Variants in PKHD1L1 observed in about 807,000 individuals in gnomAD.
PKHD1L1 encodes the protein PKHD1 like 1.
Under a neutral mutation model 462.9 loss-of-function variants are expected in PKHD1L1, and 434 were observed. The observed-to-expected ratio is 0.94, with a 90% CI of 0.87 to 1.02. The LOEUF (loss-of-function observed/expected upper bound fraction) is 1.02. Among genes scored for constraint, PKHD1L1 ranks in the 50% least tolerant of loss-of-function variants. The pLI is 0.00. For missense variants in PKHD1L1, 5,202 were observed against 5,096.1 expected, an observed-to-expected ratio of 1.02 and a Z score of -0.63; for synonymous variants, 1,781 against 1,750.0, an observed-to-expected ratio of 1.02 and a Z score of -0.44.
Position 109,465,039 on chromosome 8 carries a change from TG to T in PKHD1L1, c.8208del (p.Thr2737LeufsTer8). ...KGLVLPFSEG[L>X]TVSSVHFMNF... ...CTGGTTCTCCCATTTAGTGAAGGCT[TG>T]ACTGTCTCTTCTGTGCACTTTATGA... On this transcript the variant is annotated frameshift_variant, in exon 49 of 78. Transcript: ENST00000378402. LOFTEE classifies it high-confidence loss of function. 1.9e-6 allele frequency: 3 copies of T among 1,613,862 alleles called. No homozygotes were observed. Among genetic ancestry groups the T allele is most frequent in the Middle Eastern group, 3.3e-4 (2 of 6,060 alleles).
chr8:109,462,013 G>C (rs1586564289), intron 48 of PKHD1L1, 105 bp downstream of exon 48: 6 of 1,321,822 alleles, frequency 4.5e-6, no homozygotes, highest in Middle Eastern at 1.9e-4. Flanking sequence ...TAATCTGGTA[G>C]GGGAGACAGA....
intron 65 of PKHD1L1, among the ~76,000 whole-genome samples, chr8:109,497,552 G>A (rs1024886525): frequency 4.0e-5 from 6 of 149,090 alleles, no homozygotes; most frequent in African/African-American, 1.2e-4. Context: ...TCAGCCTCCC[G>A]AGTAGCTAGG....
chr8:109,470,133 T>C, intron 50 of PKHD1L1: 1 of 593,424 alleles, frequency 1.7e-6, no homozygotes, highest in Non-Finnish European at 3.0e-6. Context: ...AAAGTATATA[T>C]TCCTTACAAG....
chr8:109,449,935 A>G (rs894881823), intron 40 of PKHD1L1, among the ~76,000 whole-genome samples: 1 of 152,214 alleles, frequency 6.6e-6, no homozygotes, highest in Non-Finnish European at 1.5e-5. Flanking sequence ...AGTGAGATGA[A>G]TCACAGTAGT....
At chr8:109,441,958 TA>T (rs2130742490) in intron 34 of PKHD1L1, 48 bp from the exon 35 acceptor site, 1 of 1,446,772 alleles carries the variant, frequency 6.9e-7, no homozygotes, top group Non-Finnish European at 9.2e-7. Context: ...AGATAATTAT[TA>T]AGAAATTCTC....
At chr8:109,455,418 G>A (rs1442423160) in intron 45 of PKHD1L1, among the ~76,000 whole-genome samples, 2 of 152,016 alleles carry the variant, frequency 1.3e-5, no homozygotes, top group Admixed American at 6.6e-5. Flanking sequence ...AGCCTTTCTG[G>A]GTCTTTTCTA....
At position 109,537,107 on chromosome 8, in the gene PKHD1L1, G is replaced by T. The variant is rs1021879728; in HGVS notation, c.*7017G>T. Reference sequence around the variant, plus strand: ...TGCTCAAAGATGTCACTCTATGTGCGGCAAAGCTTTGTTTTACTTGATCAA... The same window carrying T: ...TGCTCAAAGATGTCACTCTATGTGCTGCAAAGCTTTGTTTTACTTGATCAA... On this transcript the variant is annotated 3_prime_UTR_variant, in exon 78 of 78. Transcript: ENST00000378402. Among the ~76,000 whole-genome samples the T allele has an allele frequency of 6.6e-6, 1 of 152,118 alleles. No homozygotes were observed. The highest frequency in any genetic ancestry group is 2.4e-5 in the African/African-American group (1 of 41,404).
rs200956400 is a variant in PKHD1L1 at position 109,413,483 on chromosome 8, C to G, written c.2298C>G (p.Asp766Glu). ...NYIGLKFQYQ[D>E]NSKITRSTDT... The stretch of plus-strand genomic sequence containing the variant: ...TTGGTCTAAAATTTCAGTACCAAGA[C>G]AATAGCAAGATTACTAGAAGCACTG... Residue 766 changes from aspartate to glutamate, a missense_variant, in exon 21 of 78, where the codon GAC becomes GAG. Transcript: ENST00000378402. 6.3e-7 allele frequency: 1 copy of G among 1,579,746 alleles called. No homozygotes were observed. Among genetic ancestry groups the G allele is most frequent in the East Asian group, 2.3e-5 (1 of 44,072 alleles).
At chr8:109,442,313 G>T in intron 35 of PKHD1L1, 118 bp downstream of exon 35, 1 of 993,976 alleles carries the variant, frequency 1.0e-6, no homozygotes, top group Non-Finnish European at 1.4e-6. Context: ...AAATGCGTAA[G>T]GTATTTGGCA....
At chr8:109,505,890 G>A (rs1783155) in intron 68 of PKHD1L1, among the ~76,000 whole-genome samples, 59,422 of 151,994 alleles carry the variant, frequency 0.39, 11,818 homozygotes, top group South Asian at 0.57. Flanking sequence ...GGGCAACACA[G>A]TGAGACCCTG....
intron 20 of PKHD1L1, among the ~76,000 whole-genome samples, chr8:109,413,024 C>G (rs375067356): frequency 6.6e-6 from 1 of 152,032 alleles, no homozygotes. Context: ...TCTAAATGTT[C>G]AATGATATTT....
At chr8:109,452,318 A>G in intron 42 of PKHD1L1, 38 bp downstream of exon 42, 1 of 1,464,476 alleles carries the variant, frequency 6.8e-7, no homozygotes, top group Non-Finnish European at 9.1e-7. Flanking sequence ...ACAGCAATAG[A>G]AAACCAGCAT....
chr8:109,496,961 A>G lies in PKHD1L1; in HGVS notation c.10370A>G (p.His3457Arg), dbSNP rs1819120358. 1.2e-6 allele frequency: 2 copies of G among 1,613,628 alleles called. No homozygotes were observed. The highest frequency in any genetic ancestry group is 1.7e-4 in the Middle Eastern group (1 of 6,056). Residue 3457 changes from histidine (H) to arginine (R), a missense_variant, in exon 64 of 78, where the codon CAT (histidine) becomes CGT (arginine). His to Arg is a conservative substitution (Grantham distance 29). Coordinates refer to ENST00000378402, the MANE Select transcript of PKHD1L1 (RefSeq NM_177531.6). Reference sequence around the variant, plus strand: ...GAAAAGTGGTTTGACAATGAAGCCCATGGAGGTTTATATGGGATCTATATG... The same window carrying G: ...GAAAAGTGGTTTGACAATGAAGCCCGTGGAGGTTTATATGGGATCTATATG... ...PVEKWFDNEA[H>R]GGLYGIYMNQ...
chr8:109,388,400 A>C, intron 6 of PKHD1L1, 97 bp from the exon 7 acceptor site: 1 of 871,016 alleles, frequency 1.1e-6, no homozygotes, highest in Non-Finnish European at 1.8e-6. Flanking sequence ...ATTGAGAAAA[A>C]AAATTTAAGG....
chr8:109,486,634 C>A lies in PKHD1L1; in HGVS notation c.9707-14C>A, dbSNP rs532500342. On this transcript the variant is annotated splice_polypyrimidine_tract_variant and intron_variant, in intron 58 of 77. Transcript: ENST00000378402. ...CTCAGCATTGGCAATAATCTAGCTG[C>A]CTTTATACTGCAGCTGAAAAATACC... 2 of 1,608,668 alleles carry A rather than the reference C, an allele frequency of 1.2e-6. No individual in the cohort carries two copies. Among genetic ancestry groups the A allele is most frequent in the East Asian group, 2.2e-5 (1 of 44,760 alleles).
chr8:109,372,104 G>A lies in PKHD1L1; in HGVS notation c.163+7468G>A, dbSNP rs1363527144. 8.7e-4 allele frequency among the ~76,000 whole-genome samples: 133 copies of A among 152,146 alleles called. 2 individuals carry two copies. Among genetic ancestry groups the A allele is most frequent in the South Asian group, 6.2e-4 (3 of 4,818 alleles). On this transcript the variant is annotated intron_variant, in intron 2 of 77. Transcript: ENST00000378402. ...ATAAATTACCTTGGGCAGTATGGCC[G>A]TTTTCACAATATTGATTCTTCCTAC... is the stretch of plus-strand genomic sequence containing the variant.
intron 22 of PKHD1L1, 68 bp downstream of exon 22, chr8:109,419,328 T>C: frequency 1.2e-5 from 15 of 1,287,266 alleles, no homozygotes; most frequent in Non-Finnish European, 1.6e-5. Context: ...AAATTATTTT[T>C]ATATTCTGCA....
At chr8:109,406,232 G>A (rs12679728) in intron 16 of PKHD1L1, 103 bp from the exon 17 acceptor site, 1 of 1,160,768 alleles carries the variant, frequency 8.6e-7, no homozygotes, top group Non-Finnish European at 1.2e-6. Flanking sequence ...CAGAGTATAG[G>A]TGCTTTAAAA....
chr8:109,443,936 T>A, intron 37 of PKHD1L1, 34 bp downstream of exon 37: 1 of 1,493,024 alleles, frequency 6.7e-7, no homozygotes, highest in Non-Finnish European at 9.2e-7. Flanking sequence ...GTACTTCTAT[T>A]ATATGTTCCC....
Sources: allele counts gnomAD v4.1 joint callset (sites outside exome capture counted in the v4.1 genomes callset), GRCh38; gene constraint gnomAD v4.1.1; transcripts MANE v1.5; gene names NCBI Gene and HGNC (gene_info 2026-07-23, HGNC 2026-07-21).